CELF2: variants seen among roughly 807,000 people sequenced by gnomAD.
CELF2 encodes the protein CUGBP Elav-like family member 2.
Under a neutral mutation model 62.6 loss-of-function variants are expected in CELF2, and 8 were observed. That is an observed-to-expected ratio of 0.13 (90% confidence interval 0.07 to 0.23). The LOEUF is 0.23. Ranked by LOEUF, CELF2 falls within the 10% of genes least tolerant of loss-of-function variation. CELF2 has a pLI of 1.00. For synonymous variants in CELF2, 258 were observed against 250.0 expected, an observed-to-expected ratio of 1.03 and a Z score of -0.30; for missense variants, 333 against 671.0, an observed-to-expected ratio of 0.50 and a Z score of 5.56.
chr10:11,200,850 C>T (rs190597557), intron 2 of CELF2, among the ~76,000 whole-genome samples: 9 of 152,298 alleles, frequency 5.9e-5, no homozygotes, highest in Admixed American at 6.5e-5. Flanking sequence ...TGGGCTGAGT[C>T]GCACCGTACA....
chr10:10,546,727 G>T, the CELF2 span, among the ~76,000 whole-genome samples: 1 of 151,950 alleles, frequency 6.6e-6, no homozygotes, highest in African/African-American at 2.4e-5. Context: ...TACTTGAAAC[G>T]ATTCTCCCAA....
chr10:11,027,483 T>TA (rs397944221), intron 1 of CELF2, among the ~76,000 whole-genome samples: 1 of 152,158 alleles, frequency 6.6e-6, no homozygotes, highest in African/African-American at 2.4e-5. Context: ...TCGTTTTTTT[T>TA]ATCTTCACCT....
At chr10:10,600,689 G>C in the CELF2 span, among the ~76,000 whole-genome samples, 36,471 of 152,122 alleles carry the variant, frequency 0.24, 4,890 homozygotes, top group South Asian at 0.51. Context: ...GAGGACAAAA[G>C]TTGAGCAGAA....
chr10:10,555,281 C>CT, the CELF2 span, among the ~76,000 whole-genome samples: 191 of 146,042 alleles, frequency 1.3e-3, 1 homozygote, highest in East Asian at 0.013. Context: ...GCCAGAAAGT[C>CT]TTTTTTTTTT....
At chr10:11,142,022 G>A (rs567707572) in intron 1 of CELF2, among the ~76,000 whole-genome samples, 2 of 152,314 alleles carry the variant, frequency 1.3e-5, no homozygotes, top group Non-Finnish European at 2.9e-5. Flanking sequence ...TCCTTGGCAA[G>A]ATGCCTTCCC....
At chr10:11,128,115 C>T (rs527804871) in intron 1 of CELF2, among the ~76,000 whole-genome samples, 9 of 152,166 alleles carry the variant, frequency 5.9e-5, no homozygotes, top group Non-Finnish European at 8.8e-5. Flanking sequence ...CCAGTTTTCC[C>T]AGCACCATTT....
At chr10:10,888,557 A>T (rs922033909) in intron 1 of CELF2, among the ~76,000 whole-genome samples, 1 of 152,238 alleles carries the variant, frequency 6.6e-6, no homozygotes, top group East Asian at 1.9e-4. Flanking sequence ...GGGTAACGAA[A>T]AAACCAAGAC....
At chr10:10,706,732 G>A in the CELF2 span, among the ~76,000 whole-genome samples, 8 of 152,176 alleles carry the variant, frequency 5.3e-5, no homozygotes, top group African/African-American at 1.7e-4. Flanking sequence ...GTTACAGAGT[G>A]GTTAGTGGCA....
the CELF2 span, among the ~76,000 whole-genome samples, chr10:10,688,434 C>A: frequency 2.6e-5 from 4 of 152,188 alleles, no homozygotes; most frequent in Non-Finnish European, 2.9e-5. Context: ...GCTGCCCAGA[C>A]CCGACCCAGC....
the CELF2 span, among the ~76,000 whole-genome samples, chr10:10,498,833 T>C: frequency 3.3e-5 from 5 of 152,218 alleles, no homozygotes; most frequent in South Asian, 8.3e-4. Context: ...CAATTAATGG[T>C]CTCATTAAGA....
At chr10:10,768,553 TTTTC>T in the CELF2 span, among the ~76,000 whole-genome samples, 2 of 151,454 alleles carry the variant, frequency 1.3e-5, no homozygotes, top group South Asian at 2.1e-4. Flanking sequence ...AGATCCCACT[TTTTC>T]TTTCTTTCTT....
chr10:11,163,978 T>C (rs1047752313), intron 1 of CELF2, among the ~76,000 whole-genome samples: 1 of 152,246 alleles, frequency 6.6e-6, no homozygotes, highest in African/African-American at 2.4e-5. Flanking sequence ...AAGATCTTTG[T>C]CTACCTTCTT....
chr10:10,677,838 G>A, the CELF2 span, among the ~76,000 whole-genome samples: 1,191 of 152,286 alleles, frequency 7.8e-3, 12 homozygotes, highest in African/African-American at 0.027. Flanking sequence ...TGCTCAGTTG[G>A]CAAGAACAAG....
intron 1 of CELF2, among the ~76,000 whole-genome samples, chr10:11,047,192 A>C (rs1025660643): frequency 3.3e-5 from 5 of 152,182 alleles, no homozygotes; most frequent in African/African-American, 1.2e-4. Context: ...ATACAGTCCT[A>C]TACAAAGATA....
intron 2 of CELF2, among the ~76,000 whole-genome samples, chr10:11,197,629 G>T (rs1207353220): frequency 1.3e-5 from 2 of 152,236 alleles, no homozygotes; most frequent in Non-Finnish European, 2.9e-5. Context: ...TGTCCTTTGG[G>T]CTCCCCCGCC....
At chr10:11,068,781 C>T (rs1214916683) in intron 1 of CELF2, among the ~76,000 whole-genome samples, 1 of 152,102 alleles carries the variant, frequency 6.6e-6, no homozygotes, top group Non-Finnish European at 1.5e-5. Flanking sequence ...AAGATGGTCT[C>T]GATCTCCTGA....
In CELF2 at chr10:11,237,605, G is replaced by A. The variant is rs546293132; in HGVS notation, c.355-11548G>A. Among the ~76,000 whole-genome samples the A allele has an allele frequency of 4.1e-4, 62 of 152,296 alleles. No homozygotes were observed. The South Asian group carries it at 4.6e-3, about 11-fold the overall frequency. ...TGCAAGGGCTGCTTCAGCCCCACTA[G>A]CATCTCCACACTGGGTGAGGGTTAC... On this transcript the variant is annotated intron_variant, in intron 3 of 12. Transcript: ENST00000633077. The surrounding 1 kb of genome is among the most constrained non-coding windows in gnomAD (Gnocchi z 4.0).
the CELF2 span, among the ~76,000 whole-genome samples, chr10:10,724,471 T>C: frequency 3.3e-5 from 5 of 151,892 alleles, no homozygotes; most frequent in Admixed American, 3.3e-4. Flanking sequence ...CTGGCCAACA[T>C]GATGAAACCC....
intron 1 of CELF2, among the ~76,000 whole-genome samples, chr10:10,833,431 A>G (rs367792188): frequency 6.6e-6 from 1 of 152,308 alleles, no homozygotes; most frequent in East Asian, 1.9e-4. Context: ...AAGCTGTCCA[A>G]TATCTCCTTG....
Sources: allele counts gnomAD v4.1 joint callset (sites outside exome capture counted in the v4.1 genomes callset), GRCh38; gene constraint gnomAD v4.1.1; non-coding constraint Gnocchi (gnomAD v3.1); transcripts MANE v1.5; gene names NCBI Gene and HGNC (gene_info 2026-07-23, HGNC 2026-07-21).